Variants in RAP1GAP observed in about 807,000 individuals in gnomAD.
The protein encoded by RAP1GAP is rap1 GTPase-activating protein 1.
In RAP1GAP, 35 loss-of-function variants were observed where a neutral mutation model predicts 87.2. The ratio of observed to expected loss-of-function variants is 0.40; its 90% CI spans 0.31 to 0.53. RAP1GAP has a LOEUF of 0.53. RAP1GAP is among the 20% of genes least tolerant of loss of function. The pLI is 0.48. For missense variants in RAP1GAP, 734 were observed against 898.9 expected, an observed-to-expected ratio of 0.82 and a Z score of 2.35; for synonymous variants, 375 against 363.9, an observed-to-expected ratio of 1.03 and a Z score of -0.35.
chr1:21,610,353 G>C (rs1409427647), intron 13 of RAP1GAP, 78 bp from the exon 14 acceptor site: 2 of 1,525,480 alleles, frequency 1.3e-6, no homozygotes, highest in African/African-American at 2.7e-5. Context: ...GGGGGTTTAG[G>C]AGGGTTTGGG....
At chr1:21,618,991 C>T (rs372287643) in intron 5 of RAP1GAP, 34 bp downstream of exon 5, 1 of 1,574,740 alleles carries the variant, frequency 6.4e-7, no homozygotes, top group Non-Finnish European at 8.6e-7. Flanking sequence ...CCTCCACCCC[C>T]TAGAGAGGGA....
At chr1:21,614,430 C>T (rs1373034406) in intron 7 of RAP1GAP, among the ~76,000 whole-genome samples, 2 of 152,210 alleles carry the variant, frequency 1.3e-5, no homozygotes, top group Non-Finnish European at 2.9e-5. Context: ...TCTCTGGGTG[C>T]TCATCGAGTC....
intron 1 of RAP1GAP, among the ~76,000 whole-genome samples, chr1:21,663,737 C>G (rs751455880): frequency 6.6e-6 from 1 of 152,174 alleles, no homozygotes; most frequent in Non-Finnish European, 1.5e-5. Flanking sequence ...TCCACCTTCC[C>G]TCTGCTGCCC....
intron 2 of RAP1GAP, among the ~76,000 whole-genome samples, chr1:21,637,861 G>C (rs180888089): frequency 6.6e-6 from 1 of 151,740 alleles, no homozygotes; most frequent in East Asian, 1.9e-4. Flanking sequence ...CTGGCCGGGA[G>C]TGGTGGTTCA....
chr1:21,623,639 G>C (rs556323420), intron 3 of RAP1GAP, among the ~76,000 whole-genome samples: 1 of 152,350 alleles, frequency 6.6e-6, no homozygotes, highest in South Asian at 2.1e-4. Context: ...CCCTAGACCT[G>C]GCCTTGAATC....
intron 1 of RAP1GAP, among the ~76,000 whole-genome samples, chr1:21,653,543 A>ACTTCCTTC (rs71569840): frequency 0.05 from 6,209 of 123,840 alleles, 235 homozygotes; most frequent in East Asian, 0.079. Flanking sequence ...GAAGGGAGGA[A>ACTTCCTTC]CTTCCTTCCT....
Position 21,669,271 on chromosome 1 carries a change from G to C in RAP1GAP, c.-166C>G. ...GCACTCACCCAAGGGCCTGGGCCGGGGGCGTCCTGGGCTCGGCACTCTGGT... is the reference window on the plus strand; with the variant it reads ...GCACTCACCCAAGGGCCTGGGCCGGCGGCGTCCTGGGCTCGGCACTCTGGT... On this transcript the variant is annotated 5_prime_UTR_variant, in exon 1 of 25. Coordinates refer to ENST00000374765, the MANE Select transcript of RAP1GAP (RefSeq NM_002885.4). This position sits in a 1 kb window ranked among gnomAD's most constrained non-coding sequence, Gnocchi z 5.6. 2 of 1,216,812 alleles carry C rather than the reference G, an allele frequency of 1.6e-6. No homozygotes were observed. The highest frequency in any genetic ancestry group is 1.7e-5 in the African/African-American group (1 of 60,264). The allele number at this position is 1,216,812 out of a possible 1,614,324, so 75.4% of individuals were successfully genotyped here.
At chr1:21,652,967 G>A (rs2096679823) in intron 1 of RAP1GAP, among the ~76,000 whole-genome samples, 1 of 152,188 alleles carries the variant, frequency 6.6e-6, no homozygotes, top group South Asian at 2.1e-4. Context: ...AGATGCAGCC[G>A]GGGATGAGGG....
intron 1 of RAP1GAP, among the ~76,000 whole-genome samples, chr1:21,657,458 C>T (rs1269518853): frequency 6.6e-6 from 1 of 152,236 alleles, no homozygotes; most frequent in African/African-American, 2.4e-5. Context: ...ATGGAGCATC[C>T]AGCTAACTAC....
intron 18 of RAP1GAP, among the ~76,000 whole-genome samples, chr1:21,605,717 C>A (rs1362309007): frequency 6.6e-6 from 1 of 152,234 alleles, no homozygotes; most frequent in Non-Finnish European, 1.5e-5. Flanking sequence ...CACACAGCAG[C>A]CCAGTCCCCA....
chr1:21,608,113 T>C (rs2075968572), intron 17 of RAP1GAP, 100 bp downstream of exon 17: 19 of 1,490,592 alleles, frequency 1.3e-5, no homozygotes, highest in East Asian at 2.4e-5. Context: ...TCTGCCAGAC[T>C]CCACCCCCAC....
chr1:21,643,556 CAAAAAA>C (rs58359978), intron 2 of RAP1GAP, among the ~76,000 whole-genome samples: 15 of 66,484 alleles, frequency 2.3e-4, no homozygotes, highest in African/African-American at 7.5e-4. Flanking sequence ...GACTCCGTCT[CAAAAAA>C]AAAAAAAAAA....
intron 1 of RAP1GAP, among the ~76,000 whole-genome samples, chr1:21,664,952 G>A (rs2097291272): frequency 2.0e-5 from 3 of 152,112 alleles, no homozygotes; most frequent in Admixed American, 6.6e-5. Flanking sequence ...CGTCATCCCC[G>A]TTCTAGGGAG....
intron 2 of RAP1GAP, among the ~76,000 whole-genome samples, chr1:21,645,822 CT>C (rs2096001722): frequency 6.6e-6 from 1 of 152,252 alleles, no homozygotes; most frequent in African/African-American, 2.4e-5. Flanking sequence ...TGAGGCCAGC[CT>C]TGTGCTTCCT....
intron 2 of RAP1GAP, among the ~76,000 whole-genome samples, chr1:21,643,708 T>C (rs1459934834): frequency 6.6e-6 from 1 of 152,168 alleles, no homozygotes; most frequent in Non-Finnish European, 1.5e-5. Flanking sequence ...TGCAAATGCT[T>C]AGTTAGAAGG....
intron 3 of RAP1GAP, 97 bp downstream of exon 3, chr1:21,626,207 T>A (rs752891190): frequency 8.8e-7 from 1 of 1,139,298 alleles, no homozygotes; most frequent in Admixed American, 1.8e-5. Flanking sequence ...ACATTTTACC[T>A]TTGCCCAAAA....
At chr1:21,608,804 T>G in intron 16 of RAP1GAP, 46 bp downstream of exon 16, 1 of 1,548,962 alleles carries the variant, frequency 6.5e-7, no homozygotes, top group Non-Finnish European at 8.9e-7. Context: ...AGTTATAGGT[T>G]GGAAGGTGAG....
Position 21,613,792 on chromosome 1 carries a change from G to A in RAP1GAP, c.396-86C>T, listed in dbSNP as rs74060024. 9.5e-6 allele frequency: 13 copies of A among 1,365,532 alleles called. No homozygotes were observed. Among genetic ancestry groups the A allele is most frequent in the East Asian group, 2.3e-5 (1 of 43,638 alleles). 84.6% of individuals were successfully genotyped at this position (1,365,532 alleles called of 1,614,324 possible). A position where few individuals can be genotyped will look rare whatever the true frequency, so the allele number is the denominator to read the frequency against. On this transcript the variant is annotated intron_variant, in intron 8 of 24. Coordinates refer to ENST00000374765, the MANE Select transcript of RAP1GAP (RefSeq NM_002885.4). The surrounding 1 kb of genome is among the most constrained non-coding windows in gnomAD (Gnocchi z 4.7). ...ACCCCCCACAAAGTAAGGCCAGAAGGGGGTGGACCACAGCGAGGACCAGAG... is the reference window on the plus strand; with the variant it reads ...ACCCCCCACAAAGTAAGGCCAGAAGAGGGTGGACCACAGCGAGGACCAGAG...
chr1:21,622,226 G>T lies in RAP1GAP; in HGVS notation c.-18-2176C>A. On this transcript the variant is annotated intron_variant, in intron 3 of 24. Coordinates refer to ENST00000374765, the MANE Select transcript of RAP1GAP (RefSeq NM_002885.4). This position sits in a 1 kb window ranked among gnomAD's most constrained non-coding sequence, Gnocchi z 5.7. The stretch of plus-strand genomic sequence containing the variant: ...GCCCAGAAGCTCACACGCCCACCAT[G>T]ACGGAGCCTTGTCCGCCCGCCCTGG... 3.0e-6 allele frequency: 1 copy of T among 337,746 alleles called. No homozygotes were observed. The highest frequency in any genetic ancestry group is 5.5e-6 in the Non-Finnish European group (1 of 182,430). 20.9% of individuals were successfully genotyped at this position (337,746 alleles called of 1,614,324 possible).
Sources: allele counts gnomAD v4.1 joint callset (sites outside exome capture counted in the v4.1 genomes callset), GRCh38; gene constraint gnomAD v4.1.1; non-coding constraint Gnocchi (gnomAD v3.1); transcripts MANE v1.5; gene names NCBI Gene and HGNC (gene_info 2026-07-23, HGNC 2026-07-21).